ENOX1: variants seen among roughly 807,000 people sequenced by gnomAD.
ENOX1 encodes the protein candidate growth-related and time keeping constitutive hydroquinone (NADH) oxidase.
In ENOX1, 42 loss-of-function variants were observed where a neutral mutation model predicts 82.5. The ratio of observed to expected loss-of-function variants is 0.51; its 90% confidence interval spans 0.40 to 0.66. The LOEUF is 0.66. Among genes scored for constraint, ENOX1 ranks in the 30% least tolerant of loss-of-function variants. The pLI is 0.00. For synonymous variants in ENOX1, 271 were observed against 282.2 expected (o/e 0.96, Z 0.40); for missense variants, 608 against 811.6 (o/e 0.75, Z 3.05).
At chr13:43,409,990 A>T (rs187837633) in intron 5 of ENOX1, among the ~76,000 whole-genome samples, 3 of 152,320 alleles carry the variant, frequency 2.0e-5, no homozygotes, top group African/African-American at 7.2e-5. Context: ...CAGTTTAAGC[A>T]ATTTGGCTAA....
At chr13:43,318,041 T>C (rs1045365032) in intron 11 of ENOX1, among the ~76,000 whole-genome samples, 1 of 152,068 alleles carries the variant, frequency 6.6e-6, no homozygotes, top group African/African-American at 2.4e-5. Context: ...TATGTTATGG[T>C]GAATTTTCAT....
intron 3 of ENOX1, among the ~76,000 whole-genome samples, chr13:43,430,472 CT>C (rs576598505): frequency 1.1e-4 from 16 of 151,522 alleles, no homozygotes; most frequent in Non-Finnish European, 1.9e-4. Flanking sequence ...TTTATTCCCT[CT>C]TTTTTTTTGT....
intron 14 of ENOX1, among the ~76,000 whole-genome samples, chr13:43,238,587 T>C (rs533722057): frequency 1.3e-5 from 2 of 152,142 alleles, no homozygotes; most frequent in African/African-American, 4.8e-5. Context: ...GAGGTTAAGA[T>C]TGTTGAGCAG....
intron 9 of ENOX1, among the ~76,000 whole-genome samples, chr13:43,328,071 T>G (rs2048214741): frequency 6.6e-6 from 1 of 152,166 alleles, no homozygotes. Flanking sequence ...CATACTCTCC[T>G]TGGGCACATG....
intron 3 of ENOX1, among the ~76,000 whole-genome samples, chr13:43,418,940 G>A (rs1475087720): frequency 6.6e-6 from 1 of 152,172 alleles, no homozygotes; most frequent in African/African-American, 2.4e-5. Flanking sequence ...ACAGGTTTGG[G>A]AGGCTGAGGT....
At chr13:43,556,894 A>G (rs2079461511) in intron 2 of ENOX1, among the ~76,000 whole-genome samples, 1 of 152,246 alleles carries the variant, frequency 6.6e-6, no homozygotes, top group African/African-American at 2.4e-5. Flanking sequence ...AGAAACCTCT[A>G]TTGGCAGGGA....
chr13:43,415,537 CAT>C (rs1222431837), intron 3 of ENOX1, among the ~76,000 whole-genome samples: 5 of 152,138 alleles, frequency 3.3e-5, no homozygotes, highest in Non-Finnish European at 5.9e-5. Context: ...TGACACAGCA[CAT>C]GTTTCAGAGA....
At chr13:43,477,585 G>A (rs1329714096) in intron 3 of ENOX1, among the ~76,000 whole-genome samples, 1 of 152,140 alleles carries the variant, frequency 6.6e-6, no homozygotes, top group Non-Finnish European at 1.5e-5. Context: ...TGAGAAGTCA[G>A]TGGCACTTTT....
intron 2 of ENOX1, among the ~76,000 whole-genome samples, chr13:43,609,600 T>A (rs967371922): frequency 6.6e-6 from 1 of 152,222 alleles, no homozygotes; most frequent in Non-Finnish European, 1.5e-5. Flanking sequence ...AAAGCAATTA[T>A]AAAGTATAGC....
rs1279135716 is a variant in ENOX1, at chr13:43,470,374, A to ATG, written c.-75+13634_-75+13635insCA. 1.2e-4 allele frequency among the ~76,000 whole-genome samples: 4 copies of ATG among 33,622 alleles called. 1 individual carries two copies. Among genetic ancestry groups the ATG allele is most frequent in the South Asian group, 1.3e-3 (1 of 796 alleles). 22.1% of individuals were successfully genotyped at this position (33,622 alleles called of 152,430 possible). ...TATATGTATATATATACGTATATAT[A>ATG]TACATATATATACGTATATATATGT... On this transcript the variant is annotated intron_variant, in intron 3 of 16. Transcript: ENST00000690772.
chr13:43,449,241 TG>T (rs1402948317), intron 3 of ENOX1, among the ~76,000 whole-genome samples: 1 of 152,192 alleles, frequency 6.6e-6, no homozygotes, highest in Non-Finnish European at 1.5e-5. Context: ...TTTTCCAGTG[TG>T]AGACTCCCTT....
At chr13:43,338,538 G>C (rs559185544) in intron 9 of ENOX1, among the ~76,000 whole-genome samples, 11 of 152,114 alleles carry the variant, frequency 7.2e-5, no homozygotes, top group African/African-American at 2.4e-4. Context: ...CAGAAGGGAG[G>C]AGAAAGCCCC....
chr13:43,344,034 A>T (rs1261922578), intron 9 of ENOX1, among the ~76,000 whole-genome samples: 1 of 152,176 alleles, frequency 6.6e-6, no homozygotes, highest in Non-Finnish European at 1.5e-5. Context: ...GGACAAAAAA[A>T]TCTCTACTCT....
chr13:43,298,575 T>G (rs2046404503), intron 11 of ENOX1, 45 bp from the exon 12 acceptor site: 4 of 1,531,092 alleles, frequency 2.6e-6, no homozygotes, highest in African/African-American at 1.4e-5. Context: ...CCTTCTTGCT[T>G]AGCTTGAGGA....
chr13:43,655,775 T>C lies in ENOX1; in HGVS notation c.-219+11704A>G, dbSNP rs17538959. Among the ~76,000 whole-genome samples the C allele has an allele frequency of 4.6e-5, 7 of 152,050 alleles. No individual in the cohort carries two copies. The East Asian group carries it at 5.8e-4, about 13-fold the overall frequency. On this transcript the variant is annotated intron_variant, in intron 2 of 16. Coordinates refer to ENST00000690772, the MANE Select transcript of ENOX1 (RefSeq NM_001347969.2). Reference sequence around the variant, plus strand: ...CACTGTACCCTCTCTGTTCTCCAGATAGCAGGACAAACTCTTTGCTCTCAT... The same window carrying C: ...CACTGTACCCTCTCTGTTCTCCAGACAGCAGGACAAACTCTTTGCTCTCAT...
chr13:43,432,982 G>A (rs1566205437), intron 3 of ENOX1, among the ~76,000 whole-genome samples: 1 of 151,984 alleles, frequency 6.6e-6, no homozygotes, highest in Non-Finnish European at 1.5e-5. Context: ...CTTATCAATT[G>A]TAACAACTCT....
chr13:43,399,511 C>A (rs972502580), intron 5 of ENOX1, among the ~76,000 whole-genome samples: 2 of 152,198 alleles, frequency 1.3e-5, no homozygotes, highest in Admixed American at 6.5e-5. Context: ...CAAGGTCACT[C>A]TTCTCCCCTT....
At chr13:43,633,612 ATATAT>A (rs2083301366) in intron 2 of ENOX1, among the ~76,000 whole-genome samples, 1 of 152,064 alleles carries the variant, frequency 6.6e-6, no homozygotes, top group Non-Finnish European at 1.5e-5. Context: ...ATCTTTTAAG[ATATAT>A]TATTATATAA....
intron 7 of ENOX1, among the ~76,000 whole-genome samples, chr13:43,358,092 C>A (rs1384529171): frequency 6.6e-6 from 1 of 152,146 alleles, no homozygotes; most frequent in Non-Finnish European, 1.5e-5. Context: ...GGGACCAGCA[C>A]CCAGGCTGGA....
Sources: gnomAD v4.1 joint callset for allele counts (sites outside exome capture counted in the v4.1 genomes callset) on GRCh38, gnomAD v4.1.1 for gene constraint, MANE v1.5 for transcripts, NCBI Gene and HGNC (gene_info 2026-07-23, HGNC 2026-07-21) for gene names.